FOLH1: variants seen among roughly 807,000 people sequenced by gnomAD.
The protein encoded by FOLH1 is folate hydrolase 1.
In FOLH1, 54 loss-of-function variants were observed where a neutral mutation model predicts 93.9. That is an observed-to-expected ratio of 0.57 (90% CI 0.46 to 0.72). The LOEUF (loss-of-function observed/expected upper bound fraction) is 0.72, where lower values mean the gene tolerates loss of function less well. Among genes scored for constraint, FOLH1 ranks in the 30% least tolerant of loss-of-function variants. The probability of loss-of-function intolerance (pLI) is 0.00; values close to 1 mark genes in which losing one functional copy is unlikely to be tolerated. For synonymous variants in FOLH1, 249 were observed against 303.6 expected (o/e 0.82, Z 1.87); for missense variants, 571 against 892.5 (o/e 0.64, Z 4.59).
chr11:49,189,720 TG>T (rs1308155218), intron 4 of FOLH1, among the ~76,000 whole-genome samples: 7 of 152,198 alleles, frequency 4.6e-5, no homozygotes, highest in Non-Finnish European at 1.0e-4. Context: ...CATCTTAAGT[TG>T]GGGGTTTCCT....
At chr11:49,205,131 G>A (rs28390251) in intron 2 of FOLH1, among the ~76,000 whole-genome samples, 1,719 of 152,042 alleles carry the variant, frequency 0.011, 32 homozygotes, top group African/African-American at 0.039. Context: ...TTGTACCTGG[G>A]AGGCGGAGGT....
At position 49,147,908 on chromosome 11, in the gene FOLH1, C is replaced by G. The variant is rs375491914; in HGVS notation, c.2063+731G>C. ...CACAACTGAACTCTAGCCTGGGAGACAGAGTGGGACCCTGTCTCTTAGGAA... is the reference window on the plus strand; with the variant it reads ...CACAACTGAACTCTAGCCTGGGAGAGAGAGTGGGACCCTGTCTCTTAGGAA... On this transcript the variant is annotated intron_variant, in intron 18 of 18. Coordinates refer to ENST00000256999, the MANE Select transcript of FOLH1 (RefSeq NM_004476.3). Among the ~76,000 whole-genome samples, 33 of 151,356 alleles carry G rather than the reference C, an allele frequency of 2.2e-4. 1 individual carries two copies. In the East Asian group the frequency reaches 3.1e-3, roughly 14 times the overall value.
chr11:49,185,209 AATTT>A (rs1420933782), intron 6 of FOLH1, among the ~76,000 whole-genome samples: 1 of 151,996 alleles, frequency 6.6e-6, no homozygotes, highest in Non-Finnish European at 1.5e-5. Context: ...ATCTGGGGGG[AATTT>A]ATTTAACAGC....
chr11:49,151,663 G>A (rs1489509974), intron 17 of FOLH1, among the ~76,000 whole-genome samples: 1 of 152,172 alleles, frequency 6.6e-6, no homozygotes, highest in Non-Finnish European at 1.5e-5. Flanking sequence ...AGGGAACAGA[G>A]TGTATCTTTA....
chr11:49,172,838 T>A (rs986714164), intron 10 of FOLH1, among the ~76,000 whole-genome samples: 8 of 152,188 alleles, frequency 5.3e-5, no homozygotes, highest in Non-Finnish European at 1.2e-4. Context: ...AGTGTAAACC[T>A]AATTTTTGTG....
chr11:49,197,672 G>A (rs1490531306), intron 3 of FOLH1, among the ~76,000 whole-genome samples: 3 of 152,000 alleles, frequency 2.0e-5, no homozygotes, highest in Non-Finnish European at 2.9e-5. Context: ...ACATAGCTCA[G>A]CTGTGAACTG....
At chr11:49,191,968 G>T (rs1320571512) in intron 4 of FOLH1, among the ~76,000 whole-genome samples, 2 of 152,176 alleles carry the variant, frequency 1.3e-5, no homozygotes, top group African/African-American at 2.4e-5. Flanking sequence ...CGGCCAACCT[G>T]TTTTTTTATA....
chr11:49,208,137 A>C (rs1864179835), intron 1 of FOLH1, 155 bp downstream of exon 1: 1 of 625,776 alleles, frequency 1.6e-6, no homozygotes, highest in African/African-American at 1.9e-5. Flanking sequence ...CCTCCTCCTA[A>C]CTCGAGGGGT....
intron 1 of FOLH1, among the ~76,000 whole-genome samples, chr11:49,207,508 T>C (rs1014920611): frequency 6.6e-6 from 1 of 152,212 alleles, no homozygotes; most frequent in African/African-American, 2.4e-5. Context: ...TACCTGGTGA[T>C]ACCTTAGACT....
intron 9 of FOLH1, among the ~76,000 whole-genome samples, chr11:49,173,890 C>A (rs989637235): frequency 2.0e-5 from 3 of 152,090 alleles, no homozygotes; most frequent in Non-Finnish European, 2.9e-5. Flanking sequence ...AGGTACAGCT[C>A]AAATATTTTC....
intron 13 of FOLH1, among the ~76,000 whole-genome samples, chr11:49,164,347 G>T (rs1455641786): frequency 6.6e-6 from 1 of 152,196 alleles, no homozygotes; most frequent in African/African-American, 2.4e-5. Flanking sequence ...ATACTGAAGA[G>T]TATAAACAAG....
intron 7 of FOLH1, among the ~76,000 whole-genome samples, chr11:49,181,802 G>A (rs1860768071): frequency 6.6e-6 from 1 of 152,062 alleles, no homozygotes; most frequent in Non-Finnish European, 1.5e-5. Context: ...AAAGACCAGG[G>A]TACTTTCTTA....
intron 17 of FOLH1, among the ~76,000 whole-genome samples, chr11:49,150,920 T>C (rs1856441190): frequency 1.3e-5 from 2 of 152,234 alleles, no homozygotes. Flanking sequence ...AAAGAGCATT[T>C]AGTGATCATT....
chr11:49,207,978 CA>C (rs909043968), intron 1 of FOLH1: 430 of 434,828 alleles, frequency 9.9e-4, no homozygotes, highest in East Asian at 1.5e-3. Flanking sequence ...AAAACAAAAG[CA>C]AAAAAAAAAC....
At position 49,148,688 on chromosome 11, in the gene FOLH1, C is replaced by T; in HGVS notation, c.2014G>A (p.Glu672Lys). 6.2e-7 allele frequency: 1 copy of T among 1,606,486 alleles called. No individual in the cohort carries two copies. Among genetic ancestry groups the T allele is most frequent in the Non-Finnish European group, 8.5e-7 (1 of 1,177,138 alleles). Reference protein sequence around the residue: ...RMMNDQLMFLERAFIDPLGLP... With the variant: ...RMMNDQLMFLKRAFIDPLGLP... ...CCTAATGGATCAATAAATGCTCTTT[C>T]CAGAAACATGAGTTGATCATTCATC... The change falls in exon 18 of 19, where the codon GAA becomes AAA. Residue 672 changes from glutamate to lysine, a missense_variant. Physicochemically the swap from Glu to Lys is moderately conservative, Grantham distance 56. Transcript: ENST00000256999.
At chr11:49,150,120 T>C (rs902970982) in intron 17 of FOLH1, among the ~76,000 whole-genome samples, 1 of 152,188 alleles carries the variant, frequency 6.6e-6, no homozygotes, top group Non-Finnish European at 1.5e-5. Flanking sequence ...GAATTTTCCA[T>C]CTGTGTTTGC....
intron 3 of FOLH1, among the ~76,000 whole-genome samples, chr11:49,194,819 G>A (rs961451859): frequency 6.6e-6 from 1 of 151,680 alleles, no homozygotes; most frequent in Non-Finnish European, 1.5e-5. Flanking sequence ...GATAAAAAAG[G>A]CTACTACATA....
intron 2 of FOLH1, among the ~76,000 whole-genome samples, chr11:49,203,832 C>T (rs557109572): frequency 2.0e-5 from 3 of 152,176 alleles, no homozygotes; most frequent in Non-Finnish European, 4.4e-5. Flanking sequence ...GCTCTCCCCC[C>T]ACCCTCTAGA....
chr11:49,172,086 A>G (rs1482467144), intron 10 of FOLH1, among the ~76,000 whole-genome samples: 1 of 152,138 alleles, frequency 6.6e-6, no homozygotes, highest in Non-Finnish European at 1.5e-5. Flanking sequence ...TGTGTGCTTA[A>G]GAATGTGTAT....
Sources: gnomAD v4.1 joint callset for allele counts (sites outside exome capture counted in the v4.1 genomes callset) on GRCh38, gnomAD v4.1.1 for gene constraint, MANE v1.5 for transcripts, NCBI Gene and HGNC (gene_info 2026-07-23, HGNC 2026-07-21) for gene names.